The following ABCD3 variants were observed in gnomAD, a reference collection of about 807,000 sequenced individuals.
ABCD3 encodes the protein ATP binding cassette subfamily D member 3.
A neutral mutation model predicts 105.5 loss-of-function variants in ABCD3; 41 were observed. The ratio of observed to expected loss-of-function variants is 0.39; its 90% CI spans 0.30 to 0.50. The LOEUF (loss-of-function observed/expected upper bound fraction) is 0.50, where lower values mean the gene tolerates loss of function less well. Among genes scored for constraint, ABCD3 ranks in the 20% least tolerant of loss-of-function variants. ABCD3 has a pLI of 0.84. For missense variants in ABCD3, 622 were observed against 806.3 expected (o/e 0.77, Z 2.77); for synonymous variants, 258 against 269.0 (o/e 0.96, Z 0.40).
At chr1:94,514,855 C>T in intron 21 of ABCD3, 1 of 340,528 alleles carries the variant, frequency 2.9e-6, no homozygotes, top group Non-Finnish European at 5.4e-6. Flanking sequence ...TTCTCATATT[C>T]CTCTCATATA....
intron 7 of ABCD3, 127 bp downstream of exon 7, chr1:94,475,864 A>C (rs1044168147): frequency 2.4e-5 from 18 of 748,766 alleles, no homozygotes; most frequent in Non-Finnish European, 3.4e-5. Flanking sequence ...TTTTATAAGA[A>C]AATTAGAGTT....
intron 16 of ABCD3, among the ~76,000 whole-genome samples, chr1:94,497,050 C>A (rs987413462): frequency 6.6e-6 from 1 of 152,000 alleles, no homozygotes; most frequent in Admixed American, 6.6e-5. Flanking sequence ...TCCTAATTCA[C>A]CCCTTCTTTC....
At chr1:94,459,267 C>A (rs1376803439) in intron 2 of ABCD3, among the ~76,000 whole-genome samples, 4 of 151,990 alleles carry the variant, frequency 2.6e-5, no homozygotes, top group African/African-American at 9.7e-5. Context: ...ACGAGTCTTT[C>A]TTTTCCTGTG....
chr1:94,391,613 A>C, the ABCD3 span, among the ~76,000 whole-genome samples: 1 of 152,068 alleles, frequency 6.6e-6, no homozygotes, highest in African/African-American at 2.4e-5. Context: ...TGCTCAAATA[A>C]TGAGTGCTCC....
In ABCD3 at chr1:94,450,055, G is replaced by A. The variant is rs1014910476; in HGVS notation, c.111-8552G>A. Among the ~76,000 whole-genome samples the A allele has an allele frequency of 1.7e-4, 26 of 152,314 alleles. 1 individual carries two copies. The highest frequency in any genetic ancestry group is 1.7e-3 in the Admixed American group (26 of 15,302). ...AGAACAGATATTTAAAGCAACCCAG[G>A]CACACCTGACCTTAATGCCAGGAAC... On this transcript the variant is annotated intron_variant, in intron 1 of 22. Transcript: ENST00000370214.
intron 1 of ABCD3, among the ~76,000 whole-genome samples, chr1:94,450,806 G>A (rs543138053): frequency 1.1e-4 from 17 of 152,250 alleles, no homozygotes; most frequent in African/African-American, 3.9e-4. Context: ...ACCCCTTCTA[G>A]TAGTTTAGAA....
chr1:94,393,465 C>T, the ABCD3 span, among the ~76,000 whole-genome samples: 893 of 152,000 alleles, frequency 5.9e-3, 9 homozygotes, highest in African/African-American at 0.02. Context: ...GTGGTAAAAC[C>T]CCGTCTCGAC....
chr1:94,461,517 A>G (rs1411730557), intron 2 of ABCD3, among the ~76,000 whole-genome samples: 1 of 152,084 alleles, frequency 6.6e-6, no homozygotes, highest in Non-Finnish European at 1.5e-5. Context: ...TTACATATTT[A>G]AAAGTTTCAT....
intron 20 of ABCD3, 34 bp from the exon 21 acceptor site, chr1:94,506,504 G>A (rs371671726): frequency 1.2e-5 from 16 of 1,349,540 alleles, no homozygotes; most frequent in South Asian, 1.0e-4. Context: ...AGGTCTGCCT[G>A]TGTTTTACAC....
At chr1:94,447,154 A>T (rs1362150470) in intron 1 of ABCD3, among the ~76,000 whole-genome samples, 3 of 152,258 alleles carry the variant, frequency 2.0e-5, no homozygotes, top group Non-Finnish European at 4.4e-5. Context: ...GCCAATTTGG[A>T]TAGAACAATG....
At chr1:94,476,939 A>C (rs912064718) in intron 7 of ABCD3, among the ~76,000 whole-genome samples, 1 of 148,658 alleles carries the variant, frequency 6.7e-6, no homozygotes, top group Non-Finnish European at 1.5e-5. Context: ...GCATGCATGC[A>C]TGGTGGGAAT....
At chr1:94,453,748 T>A (rs1235179572) in intron 1 of ABCD3, among the ~76,000 whole-genome samples, 3 of 151,932 alleles carry the variant, frequency 2.0e-5, no homozygotes, top group Admixed American at 6.6e-5. Context: ...TCATTTTTTT[T>A]ATTTTTTGTG....
intron 1 of ABCD3, among the ~76,000 whole-genome samples, chr1:94,434,346 CTTT>C (rs888626523): frequency 6.6e-6 from 1 of 151,312 alleles, no homozygotes. Context: ...TTATAGTTAA[CTTT>C]TTTTTTAAGT....
chr1:94,419,462 G>A (rs1659171997), intron 1 of ABCD3: 2 of 539,608 alleles, frequency 3.7e-6, no homozygotes, highest in South Asian at 8.0e-5. Context: ...CGACATACAG[G>A]TATGTATGTC....
At chr1:94,396,132 C>A in the ABCD3 span, among the ~76,000 whole-genome samples, 1 of 152,174 alleles carries the variant, frequency 6.6e-6, no homozygotes, top group Non-Finnish European at 1.5e-5. Flanking sequence ...TGGTTAAGAA[C>A]TCAAACAATA....
At chr1:94,402,472 T>C in the ABCD3 span, among the ~76,000 whole-genome samples, 7 of 152,212 alleles carry the variant, frequency 4.6e-5, no homozygotes, top group Non-Finnish European at 8.8e-5. Context: ...ATTTGAAGGC[T>C]CTTTACTCCT....
intron 1 of ABCD3, among the ~76,000 whole-genome samples, chr1:94,424,637 G>C (rs1659395769): frequency 6.6e-6 from 1 of 151,916 alleles, no homozygotes. Flanking sequence ...GGCTGGTCTC[G>C]AACTCCTAGG....
intron 20 of ABCD3, among the ~76,000 whole-genome samples, chr1:94,501,066 C>G (rs1033328729): frequency 6.6e-6 from 1 of 151,856 alleles, no homozygotes; most frequent in Non-Finnish European, 1.5e-5. Context: ...TGTACTTAAA[C>G]CAAGGAACAG....
At chr1:94,404,602 A>G in the ABCD3 span, among the ~76,000 whole-genome samples, 16 of 152,262 alleles carry the variant, frequency 1.1e-4, no homozygotes, top group Non-Finnish European at 2.4e-4. Context: ...ATGCAAAAAG[A>G]TAGTCTCAGA....
Sources: gnomAD v4.1 joint callset for allele counts (sites outside exome capture counted in the v4.1 genomes callset) on GRCh38, gnomAD v4.1.1 for gene constraint, MANE v1.5 for transcripts, NCBI Gene and HGNC (gene_info 2026-07-23, HGNC 2026-07-21) for gene names.